The following CYP2C8 variants were observed in gnomAD, a reference collection of about 807,000 sequenced individuals.
The protein encoded by CYP2C8 is cytochrome P450 2C8.
Under a neutral mutation model 41.3 loss-of-function variants are expected in CYP2C8, and 51 were observed. The observed-to-expected ratio is 1.24, with a 90% CI of 0.99 to 1.56. CYP2C8 has a LOEUF of 1.56. Among genes scored for constraint, CYP2C8 ranks in the 40% most tolerant of loss-of-function variants. CYP2C8 has a pLI of 0.00. For missense variants in CYP2C8, 651 were observed against 579.9 expected (o/e 1.12, Z -1.26); for synonymous variants, 218 against 205.8 (o/e 1.06, Z -0.51).
At chr10:95,055,257 A>T (rs2033293997) in intron 5 of CYP2C8, among the ~76,000 whole-genome samples, 2 of 152,154 alleles carry the variant, frequency 1.3e-5, no homozygotes, top group South Asian at 4.1e-4. Context: ...AGAAATAAAG[A>T]CCAGTGGAAT....
At chr10:95,061,635 T>C (rs531061150) in intron 4 of CYP2C8, among the ~76,000 whole-genome samples, 12 of 152,262 alleles carry the variant, frequency 7.9e-5, no homozygotes, top group South Asian at 4.1e-4. Context: ...GTGTCTCTAT[T>C]TCCTTCAGTT....
intron 6 of CYP2C8, among the ~76,000 whole-genome samples, chr10:95,043,780 T>C (rs2033054953): frequency 6.6e-6 from 1 of 151,962 alleles, no homozygotes; most frequent in Non-Finnish European, 1.5e-5. Flanking sequence ...TTCTCCTCCT[T>C]CTACTTACCA....
intron 5 of CYP2C8, among the ~76,000 whole-genome samples, chr10:95,056,138 A>G (rs11572114): frequency 0.046 from 7,026 of 152,232 alleles, 511 homozygotes; most frequent in African/African-American, 0.15. Context: ...AGGGCCTTGA[A>G]TAACATTTCT....
chr10:95,037,478 A>G (rs2032909077), intron 8 of CYP2C8, among the ~76,000 whole-genome samples, 169 bp from the exon 9 acceptor site: 1 of 152,230 alleles, frequency 6.6e-6, no homozygotes, highest in Non-Finnish European at 1.5e-5. Context: ...GGATTGATTA[A>G]TGGATGGTGG....
intron 1 of CYP2C8, among the ~76,000 whole-genome samples, chr10:95,067,953 A>G (rs1379737651): frequency 3.9e-5 from 6 of 152,226 alleles, no homozygotes; most frequent in Admixed American, 3.3e-4. Flanking sequence ...CATTCAGCAC[A>G]TTCATTTGAC....
chr10:95,048,723 G>A (rs1159777809), intron 5 of CYP2C8, among the ~76,000 whole-genome samples: 5 of 152,268 alleles, frequency 3.3e-5, no homozygotes, highest in African/African-American at 4.8e-5. Context: ...AGCCACCTAC[G>A]CTGGTAGCTG....
intron 4 of CYP2C8, among the ~76,000 whole-genome samples, chr10:95,062,692 G>A (rs1334176039): frequency 6.6e-6 from 1 of 152,140 alleles, no homozygotes; most frequent in Non-Finnish European, 1.5e-5. Context: ...TATGATGTTA[G>A]CTGGTTATTT....
At chr10:95,038,868 A>G (rs750831683) in intron 8 of CYP2C8, 29 bp downstream of exon 8, 1 of 1,611,402 alleles carries the variant, frequency 6.2e-7, no homozygotes. Context: ...TCTTTCCTTT[A>G]AATACAAATG....
At chr10:95,056,756 A>G (rs769290180) in intron 5 of CYP2C8, among the ~76,000 whole-genome samples, 1 of 152,204 alleles carries the variant, frequency 6.6e-6, no homozygotes, top group Non-Finnish European at 1.5e-5. Flanking sequence ...AGGTGTAACT[A>G]TTTAATGATA....
intron 4 of CYP2C8, among the ~76,000 whole-genome samples, chr10:95,063,442 G>A (rs564904974): frequency 6.6e-6 from 1 of 152,298 alleles, no homozygotes; most frequent in South Asian, 2.1e-4. Flanking sequence ...AACTACTGAA[G>A]CTTGTGCATG....
intron 1 of CYP2C8, among the ~76,000 whole-genome samples, chr10:95,068,205 T>C (rs1455429368): frequency 6.6e-6 from 1 of 152,172 alleles, no homozygotes; most frequent in Admixed American, 6.6e-5. Context: ...TAGAAATCTG[T>C]ATTTACAGTG....
intron 6 of CYP2C8, among the ~76,000 whole-genome samples, chr10:95,044,957 A>G (rs1419947819): frequency 6.6e-6 from 1 of 152,180 alleles, no homozygotes; most frequent in East Asian, 1.9e-4. Context: ...TTGTCTCTCC[A>G]TGTTTTAGAA....
intron 5 of CYP2C8, among the ~76,000 whole-genome samples, chr10:95,048,296 C>T (rs1326106849): frequency 6.6e-6 from 1 of 152,136 alleles, no homozygotes; most frequent in Non-Finnish European, 1.5e-5. Context: ...ATCTCTGATG[C>T]CTCAGGCTGT....
At chr10:95,053,838 C>T (rs956952869) in intron 5 of CYP2C8, among the ~76,000 whole-genome samples, 3 of 152,140 alleles carry the variant, frequency 2.0e-5, no homozygotes, top group Middle Eastern at 3.4e-3. Flanking sequence ...ACCTAGATGA[C>T]AGGTTGATGG....
chr10:95,053,363 C>T (rs529994067), intron 5 of CYP2C8, among the ~76,000 whole-genome samples: 1 of 152,174 alleles, frequency 6.6e-6, no homozygotes, highest in Admixed American at 6.5e-5. Flanking sequence ...TGTGGCAATT[C>T]CTCAAGAATC....
chr10:95,037,758 A>C (rs2032915789), intron 8 of CYP2C8, among the ~76,000 whole-genome samples: 1 of 152,154 alleles, frequency 6.6e-6, no homozygotes, highest in African/African-American at 2.4e-5. Context: ...CTCTGGTCAT[A>C]CACTCTCTTC....
chr10:95,043,181 A>G (rs2033041401), intron 6 of CYP2C8, 104 bp from the exon 7 acceptor site: 1 of 1,059,566 alleles, frequency 9.4e-7, no homozygotes, highest in Non-Finnish European at 1.4e-6. Context: ...CAGCAACATT[A>G]CAAACATGAG....
At position 95,036,972 on chromosome 10, in the gene CYP2C8, G is replaced by A. The variant is rs2032893391; in HGVS notation, c.*156C>T. The A allele has an allele frequency of 8.1e-6, 6 of 736,732 alleles. No homozygotes were observed. Among genetic ancestry groups the A allele is most frequent in the African/African-American group, 7.0e-5 (4 of 57,534 alleles). The allele number at this position is 736,732 out of a possible 1,614,324, so 45.6% of individuals were successfully genotyped here. On this transcript the variant is annotated 3_prime_UTR_variant, in exon 9 of 9. Coordinates refer to ENST00000371270, the MANE Select transcript of CYP2C8 (RefSeq NM_000770.3). ...TGCAGATATATTTGTGCAGTGACCT[G>A]AACAACTCTCCTTAATGGAGTTTGG...
chr10:95,050,290 C>G (rs1347918915), intron 5 of CYP2C8, among the ~76,000 whole-genome samples: 2 of 152,084 alleles, frequency 1.3e-5, no homozygotes, highest in African/African-American at 4.8e-5. Flanking sequence ...GTTTTTGACT[C>G]TAGTCCCTGG....
Sources: allele counts gnomAD v4.1 joint callset (sites outside exome capture counted in the v4.1 genomes callset), GRCh38; gene constraint gnomAD v4.1.1; transcripts MANE v1.5; gene names NCBI Gene and HGNC (gene_info 2026-07-23, HGNC 2026-07-21).